The following CSMD1 variants were observed in gnomAD, a reference collection of about 807,000 sequenced individuals.
The protein encoded by CSMD1 is CUB and Sushi multiple domains 1.
A neutral mutation model predicts 417.5 loss-of-function variants in CSMD1; 213 were observed. The ratio of observed to expected loss-of-function variants is 0.51; its 90% CI spans 0.46 to 0.57. The LOEUF (loss-of-function observed/expected upper bound fraction) is 0.57, where lower values mean the gene tolerates loss of function less well. Among genes scored for constraint, CSMD1 ranks in the 20% least tolerant of loss-of-function variants. CSMD1 has a pLI of 0.00. For synonymous variants in CSMD1, 2,862 were observed against 1,736.8 expected (o/e 1.65, Z -16.11); for missense variants, 6,923 against 4,529.7 (o/e 1.53, Z -15.17).
intron 1 of CSMD1, among the ~76,000 whole-genome samples, chr8:4,846,038 G>A (rs533412029): frequency 1.3e-5 from 2 of 152,240 alleles, no homozygotes; most frequent in South Asian, 4.2e-4. Context: ...TTTCCAGAAT[G>A]AGCACTTTTG....
chr8:3,687,129 G>A lies in CSMD1; in HGVS notation c.1009+21285C>T, dbSNP rs537781473. Among the ~76,000 whole-genome samples, 5 of 152,204 alleles carry A rather than the reference G, an allele frequency of 3.3e-5. No individual in the cohort carries two copies. The East Asian group carries it at 9.6e-4, about 29-fold the overall frequency. On this transcript the variant is annotated intron_variant, in intron 7 of 69. Coordinates refer to ENST00000635120, the MANE Select transcript of CSMD1 (RefSeq NM_033225.6). ...AGGATCCTATACTAATTTAAAACCA[G>A]AAATACAAGCATGATATAAGCATCA... is the stretch of plus-strand genomic sequence containing the variant.
intron 3 of CSMD1, among the ~76,000 whole-genome samples, chr8:4,146,876 C>A: frequency 6.9e-6 from 1 of 144,866 alleles, no homozygotes; most frequent in Admixed American, 6.7e-5. Context: ...TCCCAAAGTG[C>A]CGGCGTGATT....
At chr8:3,190,178 G>A in intron 33 of CSMD1, 63 bp from the exon 34 acceptor site, 1 of 1,309,578 alleles carries the variant, frequency 7.6e-7, no homozygotes, top group Non-Finnish European at 1.1e-6. Flanking sequence ...ACGTTGCGTG[G>A]AACGTGGGTT....
chr8:3,593,775 T>C (rs1423837352), intron 8 of CSMD1, among the ~76,000 whole-genome samples: 1 of 152,200 alleles, frequency 6.6e-6, no homozygotes, highest in African/African-American at 2.4e-5. Flanking sequence ...CAAATAACAC[T>C]GCTATCCTTA....
chr8:3,385,025 A>AATATATAATATATATAATATATAAAT lies in CSMD1; in HGVS notation c.2782+2468_2782+2469insATTTATATATTATATATATTATATAT, dbSNP rs201974137. ...TTTATATATAAATATATAATATATA[A>AATATATAATATATATAATATATAAAT]ATATAATATATATAATATATAAATA... is the stretch of plus-strand genomic sequence containing the variant. On this transcript the variant is annotated intron_variant, in intron 18 of 69. Transcript: ENST00000635120. 3.6e-4 allele frequency among the ~76,000 whole-genome samples: 41 copies of AATATATAATATATATAATATATAAAT among 113,038 alleles called. 1 individual carries two copies. In the South Asian group the frequency reaches 4.1e-3, roughly 11 times the overall value. The allele number at this position is 113,038 out of a possible 152,430, so 74.2% of individuals were successfully genotyped here. A position where few individuals can be genotyped will look rare whatever the true frequency, so the allele number is the denominator to read the frequency against.
chr8:3,946,416 C>A (rs1373646138), intron 5 of CSMD1, among the ~76,000 whole-genome samples: 1 of 152,158 alleles, frequency 6.6e-6, no homozygotes, highest in Admixed American at 6.6e-5. Flanking sequence ...AATCCCGCAT[C>A]ACCTTGGCTA....
chr8:3,323,778 G>A (rs796123918), intron 23 of CSMD1, among the ~76,000 whole-genome samples: 100 of 97,414 alleles, frequency 1.0e-3, no homozygotes, highest in East Asian at 4.1e-3. Context: ...GTTAAAATAG[G>A]CCCACATCCA....
intron 3 of CSMD1, among the ~76,000 whole-genome samples, chr8:4,266,812 T>G (rs1464366807): frequency 9.6e-6 from 1 of 104,548 alleles, no homozygotes; most frequent in African/African-American, 2.6e-5. Context: ...AATAGTGGAT[T>G]GTGATGACTT....
chr8:4,491,224 C>T (rs1248123384), intron 2 of CSMD1, among the ~76,000 whole-genome samples: 1 of 152,010 alleles, frequency 6.6e-6, no homozygotes, highest in East Asian at 1.9e-4. Flanking sequence ...ATAGATACAA[C>T]TTCAATACTA....
intron 57 of CSMD1, among the ~76,000 whole-genome samples, chr8:2,970,696 T>C (rs1217435466): frequency 6.6e-6 from 1 of 152,198 alleles, no homozygotes; most frequent in African/African-American, 2.4e-5. Flanking sequence ...GATCACTACA[T>C]AGAATCAGGT....
At chr8:3,079,732 T>C (rs1271354778) in intron 49 of CSMD1, among the ~76,000 whole-genome samples, 1 of 152,108 alleles carries the variant, frequency 6.6e-6, no homozygotes, top group African/African-American at 2.4e-5. Context: ...CGGGGGTGAA[T>C]GCAGGGTATA....
At chr8:3,991,055 G>A (rs772820787) in intron 5 of CSMD1, among the ~76,000 whole-genome samples, 1 of 152,194 alleles carries the variant, frequency 6.6e-6, no homozygotes, top group Non-Finnish European at 1.5e-5. Context: ...TGGGGCTGCA[G>A]CATCTTTCCC....
chr8:3,834,870 A>G (rs1200477988), intron 5 of CSMD1, among the ~76,000 whole-genome samples: 1 of 152,262 alleles, frequency 6.6e-6, no homozygotes, highest in East Asian at 1.9e-4. Flanking sequence ...CAAATTTACA[A>G]GAAAAAAACA....
At chr8:3,878,924 A>G (rs528444814) in intron 5 of CSMD1, among the ~76,000 whole-genome samples, 35 of 152,338 alleles carry the variant, frequency 2.3e-4, no homozygotes, top group African/African-American at 7.9e-4. Flanking sequence ...GAGAATGTAC[A>G]TGACAGAAAA....
At chr8:3,876,748 C>T (rs1295160492) in intron 5 of CSMD1, among the ~76,000 whole-genome samples, 1 of 152,090 alleles carries the variant, frequency 6.6e-6, no homozygotes, top group African/African-American at 2.4e-5. Flanking sequence ...TACCTGGAAG[C>T]ACAGGCATAG....
chr8:3,679,056 C>G (rs1049376084), intron 7 of CSMD1, among the ~76,000 whole-genome samples: 4 of 152,134 alleles, frequency 2.6e-5, no homozygotes, highest in African/African-American at 7.2e-5. Flanking sequence ...AAAGGAACAA[C>G]TGGTACTAGC....
rs534961867 is a variant in CSMD1 at position 4,353,445 on chromosome 8, C to G, written c.415+66508G>C. 2.0e-5 allele frequency among the ~76,000 whole-genome samples: 3 copies of G among 152,184 alleles called. No individual in the cohort carries two copies. In the East Asian group the frequency reaches 5.8e-4, roughly 29 times the overall value. The stretch of plus-strand genomic sequence containing the variant: ...ATAAATTACCTATTCTCGAGTATGT[C>G]TTTATTAGCAGTGTGAGAAAAGAAT... On this transcript the variant is annotated intron_variant, in intron 3 of 69. Transcript: ENST00000635120.
At chr8:4,189,557 T>G (rs1798891687) in intron 3 of CSMD1, among the ~76,000 whole-genome samples, 1 of 152,172 alleles carries the variant, frequency 6.6e-6, no homozygotes, top group African/African-American at 2.4e-5. Context: ...CAATTATCCC[T>G]CCAAAATGTT....
chr8:3,112,786 G>A (rs1563056386), intron 42 of CSMD1, among the ~76,000 whole-genome samples: 1 of 152,156 alleles, frequency 6.6e-6, no homozygotes, highest in African/African-American at 2.4e-5. Flanking sequence ...GAAAATAACA[G>A]ACGCTCATCA....
Sources: gnomAD v4.1 joint callset for allele counts (sites outside exome capture counted in the v4.1 genomes callset) on GRCh38, gnomAD v4.1.1 for gene constraint, MANE v1.5 for transcripts, NCBI Gene and HGNC (gene_info 2026-07-23, HGNC 2026-07-21) for gene names.